Variants in MSL2 observed in about 807,000 individuals in gnomAD.
The protein encoded by MSL2 is MSL complex subunit 2.
MSL2 carries 2 observed loss-of-function variants against 35.8 expected under a neutral mutation model. The observed-to-expected ratio is 0.06, with a 90% confidence interval of 0.02 to 0.18. MSL2 has a LOEUF of 0.18. MSL2 is among the 10% of genes least tolerant of loss of function. The pLI is 1.00. For synonymous variants in MSL2, 296 were observed against 255.7 expected (o/e 1.16, Z -1.50); for missense variants, 523 against 706.7 (o/e 0.74, Z 2.95).
At chr3:136,183,051 C>T (rs115728049) in intron 1 of MSL2, among the ~76,000 whole-genome samples, 1,532 of 152,230 alleles carry the variant, frequency 0.01, 30 homozygotes, top group African/African-American at 0.034. Flanking sequence ...GTAACTTAGC[C>T]TCATCCCAGA....
intron 1 of MSL2, among the ~76,000 whole-genome samples, chr3:136,167,218 GAAC>G (rs546355524): frequency 8.1e-4 from 123 of 151,984 alleles, no homozygotes; most frequent in Middle Eastern, 3.4e-3. Context: ...AATTAAACAT[GAAC>G]AACAAGAGAC....
intron 1 of MSL2, among the ~76,000 whole-genome samples, chr3:136,178,954 G>A (rs867811200): frequency 3.3e-5 from 5 of 150,084 alleles, no homozygotes; most frequent in Middle Eastern, 7.2e-3. Context: ...ATGCTGCCCA[G>A]GAATGTAGTT....
At chr3:136,188,078 A>C (rs961490347) in intron 1 of MSL2, among the ~76,000 whole-genome samples, 6 of 152,196 alleles carry the variant, frequency 3.9e-5, no homozygotes. Context: ...TCTTCATTCC[A>C]GGTAAACCCA....
chr3:136,149,558 T>A lies in MSL2; in HGVS notation c.*1589A>T, dbSNP rs1347879264. 3.4e-5 allele frequency: 5 copies of A among 147,616 alleles called. No homozygotes were observed. The highest frequency in any genetic ancestry group is 1.3e-4 in the African/African-American group (5 of 39,954). 9.1% of individuals were successfully genotyped at this position (147,616 alleles called of 1,614,324 possible). A position where few individuals can be genotyped will look rare whatever the true frequency, so the allele number is the denominator to read the frequency against. On this transcript the variant is annotated 3_prime_UTR_variant, in exon 2 of 2. Coordinates refer to ENST00000309993, the MANE Select transcript of MSL2 (RefSeq NM_018133.4). The stretch of plus-strand genomic sequence containing the variant: ...CATCACATTTTTCTTCCTATGGCTT[T>A]AGCCCACCCCCACCCCACCAAAAGA...
chr3:136,194,104 T>G (rs1250093744), intron 1 of MSL2, among the ~76,000 whole-genome samples: 1 of 152,240 alleles, frequency 6.6e-6, no homozygotes, highest in East Asian at 1.9e-4. Context: ...GATAGAATAT[T>G]AAGTGGAGCA....
intron 1 of MSL2, among the ~76,000 whole-genome samples, chr3:136,161,921 GA>G (rs112759131): frequency 3.3e-5 from 5 of 151,144 alleles, no homozygotes; most frequent in African/African-American, 9.7e-5. Flanking sequence ...GATAGGAAGG[GA>G]AAAAAATACA....
chr3:136,164,721 T>C (rs1408582997), intron 1 of MSL2, among the ~76,000 whole-genome samples: 1 of 152,142 alleles, frequency 6.6e-6, no homozygotes, highest in Non-Finnish European at 1.5e-5. Flanking sequence ...ATAAAATGGA[T>C]GGGCAATATA....
chr3:136,170,450 A>C (rs915629169), intron 1 of MSL2, among the ~76,000 whole-genome samples: 3 of 151,462 alleles, frequency 2.0e-5, no homozygotes, highest in African/African-American at 7.3e-5. Context: ...TTTGTTTCAA[A>C]TATACTTCAC....
chr3:136,185,301 TA>T (rs10571267), intron 1 of MSL2, among the ~76,000 whole-genome samples: 2,234 of 107,014 alleles, frequency 0.021, 41 homozygotes, highest in African/African-American at 0.053. Flanking sequence ...TTAACAAAGC[TA>T]AAAAAAAAAA....
intron 1 of MSL2, among the ~76,000 whole-genome samples, chr3:136,184,755 G>T (rs1167149790): frequency 7.2e-6 from 1 of 138,632 alleles, no homozygotes; most frequent in Non-Finnish European, 1.6e-5. Context: ...AAAAAAGGGG[G>T]GGGGGGGGAC....
chr3:136,172,421 C>T (rs550117302), intron 1 of MSL2, among the ~76,000 whole-genome samples: 15 of 152,216 alleles, frequency 9.9e-5, no homozygotes, highest in African/African-American at 3.4e-4. Context: ...CTCTCACTTC[C>T]ACCTTCAACC....
At chr3:136,190,596 T>C (rs1940659574) in intron 1 of MSL2, among the ~76,000 whole-genome samples, 1 of 152,084 alleles carries the variant, frequency 6.6e-6, no homozygotes, top group Middle Eastern at 3.2e-3. Context: ...CATGATACTT[T>C]CCAAGTTATC....
At chr3:136,193,189 C>T (rs1036825505) in intron 1 of MSL2, among the ~76,000 whole-genome samples, 5 of 152,062 alleles carry the variant, frequency 3.3e-5, no homozygotes, top group African/African-American at 9.7e-5. Flanking sequence ...TATTTAAAGT[C>T]CAGGTTAGAA....
At chr3:136,155,008 G>C (rs1939478848) in intron 1 of MSL2, among the ~76,000 whole-genome samples, 1 of 151,974 alleles carries the variant, frequency 6.6e-6, no homozygotes, top group African/African-American at 2.4e-5. Flanking sequence ...AAGAGACTGA[G>C]ACCATCCTGG....
Position 136,149,253 on chromosome 3 carries a change from T to G in MSL2, c.*1894A>C, listed in dbSNP as rs1301994473. The G allele has an allele frequency of 6.6e-6, 1 of 152,592 alleles. No individual in the cohort carries two copies. Among genetic ancestry groups the G allele is most frequent in the Non-Finnish European group, 1.5e-5 (1 of 68,022 alleles). 9.5% of individuals were successfully genotyped at this position (152,592 alleles called of 1,614,324 possible). Reference sequence around the variant, plus strand: ...CCTCATCCATGTGTACAATCTCATTTCTAATCATTTTTGCAGTGATCATTA... The same window carrying G: ...CCTCATCCATGTGTACAATCTCATTGCTAATCATTTTTGCAGTGATCATTA... On this transcript the variant is annotated 3_prime_UTR_variant, in exon 2 of 2. Coordinates refer to ENST00000309993, the MANE Select transcript of MSL2 (RefSeq NM_018133.4).
intron 1 of MSL2, among the ~76,000 whole-genome samples, chr3:136,165,221 AAAAGTCTCACTGCACTGCCTTG>A (rs1332585471): frequency 6.6e-6 from 1 of 152,094 alleles, no homozygotes; most frequent in Non-Finnish European, 1.5e-5. Context: ...AAAAAAAAAA[AAAAGTCTCACTGCACTGCCTTG>A]AAACCTTATC....
intron 1 of MSL2, among the ~76,000 whole-genome samples, chr3:136,160,873 G>C (rs144174482): frequency 6.6e-6 from 1 of 152,082 alleles, no homozygotes; most frequent in Non-Finnish European, 1.5e-5. Context: ...CAGATCACGA[G>C]GTCAGGAGAT....
At chr3:136,188,124 C>T (rs1055114121) in intron 1 of MSL2, among the ~76,000 whole-genome samples, 2 of 152,114 alleles carry the variant, frequency 1.3e-5, no homozygotes, top group Admixed American at 6.5e-5. Flanking sequence ...AGGTTTTCTC[C>T]TTCAGGCCTT....
chr3:136,170,872 G>A (rs1940005343), intron 1 of MSL2, among the ~76,000 whole-genome samples: 1 of 152,056 alleles, frequency 6.6e-6, no homozygotes, highest in Non-Finnish European at 1.5e-5. Flanking sequence ...CTGGCAGGGG[G>A]ATACCTTTTT....
Sources: gnomAD v4.1 joint callset for allele counts (sites outside exome capture counted in the v4.1 genomes callset) on GRCh38, gnomAD v4.1.1 for gene constraint, MANE v1.5 for transcripts, NCBI Gene and HGNC (gene_info 2026-07-23, HGNC 2026-07-21) for gene names.